Variants in QTMAN observed in about 807,000 individuals in gnomAD.
QTMAN encodes the protein queuosine-tRNA mannosyltransferase.
chr2:144,208,565 T>C, the QTMAN span: 1 of 1,583,462 alleles, frequency 6.3e-7, no homozygotes. Context: ...CAGGTACTTT[T>C]TAAAAAACGC....
chr2:144,220,612 A>G, the QTMAN span, among the ~76,000 whole-genome samples: 1 of 152,216 alleles, frequency 6.6e-6, no homozygotes, highest in East Asian at 1.9e-4. Flanking sequence ...AAGTAATTTC[A>G]CACTTTGCAA....
chr2:143,957,340 C>G, the QTMAN span: 1 of 1,573,854 alleles, frequency 6.4e-7, no homozygotes, highest in Non-Finnish European at 8.6e-7. Flanking sequence ...GAAAAAATAT[C>G]TTTTAAAAAC....
At chr2:144,143,238 G>A in the QTMAN span, among the ~76,000 whole-genome samples, 1 of 151,870 alleles carries the variant, frequency 6.6e-6, no homozygotes, top group Non-Finnish European at 1.5e-5. Context: ...TAATCCTATC[G>A]TAAGTTGAGG....
At chr2:144,196,142 T>C in the QTMAN span, among the ~76,000 whole-genome samples, 1 of 151,750 alleles carries the variant, frequency 6.6e-6, no homozygotes, top group African/African-American at 2.4e-5. Flanking sequence ...AAATGAAAGC[T>C]AAGAATCATT....
chr2:144,189,386 G>C, the QTMAN span, among the ~76,000 whole-genome samples: 2 of 152,184 alleles, frequency 1.3e-5, no homozygotes, highest in South Asian at 4.1e-4. Context: ...GTGCCATTCA[G>C]TGGCCACCAT....
the QTMAN span, among the ~76,000 whole-genome samples, chr2:143,984,801 C>T: frequency 2.0e-5 from 3 of 152,166 alleles, no homozygotes; most frequent in African/African-American, 7.2e-5. Context: ...GATGGCTGAG[C>T]TCCAGGGAGA....
chr2:144,172,203 ATAATT>A, the QTMAN span, among the ~76,000 whole-genome samples: 3 of 152,194 alleles, frequency 2.0e-5, no homozygotes, highest in African/African-American at 7.2e-5. Context: ...ATTATTTTAA[ATAATT>A]TAAATTGCTT....
chr2:143,974,006 T>C, the QTMAN span, among the ~76,000 whole-genome samples: 1 of 152,188 alleles, frequency 6.6e-6, no homozygotes, highest in Non-Finnish European at 1.5e-5. Context: ...TAGCATACTA[T>C]GTGAATCTGT....
At chr2:144,062,692 T>C in the QTMAN span, among the ~76,000 whole-genome samples, 2 of 151,928 alleles carry the variant, frequency 1.3e-5, no homozygotes, top group Non-Finnish European at 2.9e-5. Context: ...CAACAGACTT[T>C]ATTTATTATA....
chr2:143,981,053 C>T, the QTMAN span, among the ~76,000 whole-genome samples: 4 of 152,202 alleles, frequency 2.6e-5, no homozygotes, highest in Non-Finnish European at 4.4e-5. Context: ...TTGCAGTCAT[C>T]CCTGAGAAAT....
chr2:144,101,803 C>A, the QTMAN span, among the ~76,000 whole-genome samples: 1 of 152,076 alleles, frequency 6.6e-6, no homozygotes, highest in Non-Finnish European at 1.5e-5. Context: ...CTTGGTCTGT[C>A]AAAATAAACA....
the QTMAN span, chr2:143,952,141 T>C: frequency 1.1e-6 from 1 of 887,308 alleles, no homozygotes; most frequent in Non-Finnish European, 1.9e-6. Context: ...TATTAGTCAC[T>C]TTACTAATTA....
At chr2:144,330,778 G>C in the QTMAN span, among the ~76,000 whole-genome samples, 7 of 152,188 alleles carry the variant, frequency 4.6e-5, no homozygotes, top group African/African-American at 1.7e-4. Context: ...TAAGTGTTTA[G>C]TTAATGAAGA....
At chr2:144,043,243 G>A in the QTMAN span, among the ~76,000 whole-genome samples, 1 of 151,998 alleles carries the variant, frequency 6.6e-6, no homozygotes, top group Non-Finnish European at 1.5e-5. Context: ...GTGTGTGTGT[G>A]TGTGTGTGTG....
the QTMAN span, among the ~76,000 whole-genome samples, chr2:144,241,061 T>A: frequency 3.9e-5 from 6 of 152,240 alleles, no homozygotes; most frequent in Non-Finnish European, 8.8e-5. Flanking sequence ...GGTGATTTCT[T>A]GATTTCTTAG....
chr2:144,011,639 GT>G, the QTMAN span: 225 of 673,274 alleles, frequency 3.3e-4, no homozygotes, highest in African/African-American at 4.8e-3. Flanking sequence ...TTCTATGCTA[GT>G]AAAAAAAAAA....
chr2:144,223,857 T>G, the QTMAN span, among the ~76,000 whole-genome samples: 1 of 152,228 alleles, frequency 6.6e-6, no homozygotes, highest in African/African-American at 2.4e-5. Context: ...CTCCTGATAC[T>G]TTTGTCAAAA....
the QTMAN span, among the ~76,000 whole-genome samples, chr2:144,258,299 T>C: frequency 1.3e-5 from 2 of 151,130 alleles, no homozygotes; most frequent in Non-Finnish European, 2.9e-5. Context: ...AAGAAAACTT[T>C]TACTTAGGGA....
the QTMAN span, among the ~76,000 whole-genome samples, chr2:144,242,483 G>C: frequency 6.6e-6 from 1 of 152,152 alleles, no homozygotes; most frequent in African/African-American, 2.4e-5. Flanking sequence ...TAAAAAGTAA[G>C]CTTCTGACTC....
Sources: gnomAD v4.1 joint callset for allele counts (sites outside exome capture counted in the v4.1 genomes callset) on GRCh38, gnomAD v4.1.1 for gene constraint, MANE v1.5 for transcripts, NCBI Gene and HGNC (gene_info 2026-07-23, HGNC 2026-07-21) for gene names.